The following MMP16 variants were observed in gnomAD, a reference collection of about 807,000 sequenced individuals.
The protein encoded by MMP16 is matrix metallopeptidase 16.
A neutral mutation model predicts 67.8 loss-of-function variants in MMP16; 12 were observed. The observed-to-expected ratio is 0.18, with a 90% CI of 0.11 to 0.29. The LOEUF (loss-of-function observed/expected upper bound fraction) is 0.29. MMP16 is among the 10% of genes least tolerant of loss of function. The pLI is 1.00. For synonymous variants in MMP16, 249 were observed against 255.9 expected, an observed-to-expected ratio of 0.97 and a Z score of 0.26; for missense variants, 475 against 765.7, an observed-to-expected ratio of 0.62 and a Z score of 4.48.
intron 2 of MMP16, among the ~76,000 whole-genome samples, chr8:88,187,421 G>A (rs555991909): frequency 6.6e-6 from 1 of 152,088 alleles, no homozygotes; most frequent in African/African-American, 2.4e-5. Flanking sequence ...CATGATTTGG[G>A]GGTAGTTTTT....
At chr8:88,100,217 T>G (rs1283328828) in intron 6 of MMP16, among the ~76,000 whole-genome samples, 4 of 151,920 alleles carry the variant, frequency 2.6e-5, no homozygotes, top group Non-Finnish European at 5.9e-5. Flanking sequence ...TTTATATAGC[T>G]TTAGGTCTAA....
At chr8:88,304,275 C>A (rs557750947) in intron 1 of MMP16, among the ~76,000 whole-genome samples, 1 of 152,048 alleles carries the variant, frequency 6.6e-6, no homozygotes, top group Non-Finnish European at 1.5e-5. Context: ...TAAACAAAAC[C>A]TCTGAGAAAT....
At chr8:88,248,287 G>C (rs1810152160) in intron 1 of MMP16, among the ~76,000 whole-genome samples, 1 of 152,020 alleles carries the variant, frequency 6.6e-6, no homozygotes, top group South Asian at 2.1e-4. Context: ...GGGTATATAA[G>C]CATGCACAAG....
chr8:88,188,398 T>A (rs1809107927), intron 2 of MMP16, among the ~76,000 whole-genome samples: 1 of 152,190 alleles, frequency 6.6e-6, no homozygotes, highest in Admixed American at 6.5e-5. Context: ...TAACGTGGGA[T>A]ATGGTTACAT....
At chr8:88,271,651 G>A (rs368092792) in intron 1 of MMP16, among the ~76,000 whole-genome samples, 3 of 152,116 alleles carry the variant, frequency 2.0e-5, no homozygotes, top group South Asian at 4.1e-4. Context: ...GTGCCAACAC[G>A]TTCAGCTGCA....
intron 2 of MMP16, among the ~76,000 whole-genome samples, chr8:88,191,661 A>G (rs1322088864): frequency 6.6e-6 from 1 of 152,216 alleles, no homozygotes; most frequent in African/African-American, 2.4e-5. Flanking sequence ...GGTGTACCAC[A>G]CACACACAGA....
intron 6 of MMP16, among the ~76,000 whole-genome samples, chr8:88,116,087 A>G (rs1809424112): frequency 6.6e-6 from 1 of 152,110 alleles, no homozygotes; most frequent in Admixed American, 6.6e-5. Context: ...CTGTAAAACA[A>G]TGCTTTAGTA....
At chr8:88,051,835 T>C (rs1808275257) in intron 8 of MMP16, among the ~76,000 whole-genome samples, 1 of 152,128 alleles carries the variant, frequency 6.6e-6, no homozygotes, top group South Asian at 2.1e-4. Flanking sequence ...TGTGAGATGT[T>C]GAGAGATGAC....
rs116965290 is a variant in MMP16 at position 88,117,786 on chromosome 8, C to T, written c.871+914G>A. ...ATGAATGCAAAAACGAATTAGTGAA[C>T]TTAAACTATGCTGCTTAAAAATGCA... On this transcript the variant is annotated intron_variant, in intron 5 of 9. Transcript: ENST00000286614. 7.8e-3 allele frequency among the ~76,000 whole-genome samples: 1,183 copies of T among 152,052 alleles called. 16 individuals are homozygous for T. The highest frequency in any genetic ancestry group is 0.062 in the Middle Eastern group (18 of 288).
intron 1 of MMP16, among the ~76,000 whole-genome samples, chr8:88,314,616 A>T (rs1240097014): frequency 6.6e-6 from 1 of 152,166 alleles, no homozygotes; most frequent in Non-Finnish European, 1.5e-5. Flanking sequence ...CTGAGGCAAG[A>T]CACTTCTGAG....
intron 8 of MMP16, among the ~76,000 whole-genome samples, chr8:88,047,164 G>C (rs1808209838): frequency 6.6e-6 from 1 of 152,100 alleles, no homozygotes; most frequent in Non-Finnish European, 1.5e-5. Flanking sequence ...GTTTTCATGA[G>C]TTTTTAAAAA....
chr8:88,045,070 A>G (rs1463614589), intron 9 of MMP16, among the ~76,000 whole-genome samples: 1 of 152,144 alleles, frequency 6.6e-6, no homozygotes, highest in Non-Finnish European at 1.5e-5. Context: ...GTAATATCTT[A>G]ACTTGGTCTT....
rs1293547421 is a variant in MMP16, at chr8:88,137,390, G to A, written c.710-18529C>T. Among the ~76,000 whole-genome samples, 3 of 152,014 alleles carry A rather than the reference G, an allele frequency of 2.0e-5. 1 individual carries two copies. Among genetic ancestry groups the A allele is most frequent in the East Asian group, 3.9e-4 (2 of 5,144 alleles). On this transcript the variant is annotated intron_variant, in intron 4 of 9. Transcript: ENST00000286614. ...ACCGAACCTGTACTTCTTTAAATAC[G>A]TTAAAGCTGTCAATATCACTGTCTT... is the stretch of plus-strand genomic sequence containing the variant.
At chr8:88,233,697 C>T (rs1809898239) in intron 1 of MMP16, among the ~76,000 whole-genome samples, 1 of 152,212 alleles carries the variant, frequency 6.6e-6, no homozygotes, top group African/African-American at 2.4e-5. Flanking sequence ...CCAGAGCTGC[C>T]TGCACAGTGT....
intron 9 of MMP16, among the ~76,000 whole-genome samples, chr8:88,042,585 C>A (rs1208451914): frequency 6.6e-6 from 1 of 152,084 alleles, no homozygotes; most frequent in African/African-American, 2.4e-5. Flanking sequence ...AGCCATTATT[C>A]ATTATTTTAA....
intron 4 of MMP16, among the ~76,000 whole-genome samples, chr8:88,138,385 C>T (rs1024279930): frequency 2.0e-5 from 3 of 151,916 alleles, no homozygotes; most frequent in Admixed American, 1.3e-4. Context: ...CTCTAATTTT[C>T]GTAGCCTCAC....
chr8:88,082,425 C>T (rs1808767368), intron 6 of MMP16, among the ~76,000 whole-genome samples: 1 of 152,042 alleles, frequency 6.6e-6, no homozygotes, highest in African/African-American at 2.4e-5. Context: ...TGTCAATCCA[C>T]TTCAAATTAA....
At chr8:88,151,362 C>A (rs937485912) in intron 4 of MMP16, among the ~76,000 whole-genome samples, 1 of 149,832 alleles carries the variant, frequency 6.7e-6, no homozygotes, top group Non-Finnish European at 1.5e-5. Flanking sequence ...ACCAAGCGGA[C>A]CTAATAGACA....
Position 88,044,798 on chromosome 8 carries a change from G to A in MMP16, c.1489+1871C>T, listed in dbSNP as rs562293997. 1.9e-3 allele frequency among the ~76,000 whole-genome samples: 285 copies of A among 152,208 alleles called. 1 individual carries two copies. Among genetic ancestry groups the A allele is most frequent in the Non-Finnish European group, 2.5e-3 (169 of 67,994 alleles). On this transcript the variant is annotated intron_variant, in intron 9 of 9. Coordinates refer to ENST00000286614, the MANE Select transcript of MMP16 (RefSeq NM_005941.5). ...TGTGTTCTATTTTTTACTCTTACACGTTTATTAGTAAGAAGTTGCTATTTA... is the reference window on the plus strand; with the variant it reads ...TGTGTTCTATTTTTTACTCTTACACATTTATTAGTAAGAAGTTGCTATTTA...
Sources: allele counts gnomAD v4.1 joint callset (sites outside exome capture counted in the v4.1 genomes callset), GRCh38; gene constraint gnomAD v4.1.1; transcripts MANE v1.5; gene names NCBI Gene and HGNC (gene_info 2026-07-23, HGNC 2026-07-21).